Variants in CEP85L observed in about 807,000 individuals in gnomAD.
CEP85L encodes the protein centrosomal protein 85L, also known as centrosomal protein of 85 kDa-like.
A neutral mutation model predicts 100.3 loss-of-function variants in CEP85L; 60 were observed. The observed-to-expected ratio is 0.60, with a 90% CI of 0.49 to 0.74. The LOEUF is 0.74. Ranked by LOEUF, CEP85L falls within the 30% of genes least tolerant of loss-of-function variation. The probability of loss-of-function intolerance (pLI) is 0.00; values close to 1 mark genes in which losing one functional copy is unlikely to be tolerated. For synonymous variants in CEP85L, 319 were observed against 322.7 expected (o/e 0.99, Z 0.12); for missense variants, 973 against 936.2 (o/e 1.04, Z -0.51).
rs137910662 is a variant in CEP85L at position 118,619,897 on chromosome 6, T to A, written c.232+12556A>T. ...ATGGTATCTCAGCCAGGTAAACAGA[T>A]CAAATGGCCCCAGAGGAGAAGGAAA... On this transcript the variant is annotated intron_variant, in intron 2 of 12. Transcript: ENST00000368491. Among the ~76,000 whole-genome samples the A allele has an allele frequency of 1.7e-4, 26 of 152,090 alleles. No individual in the cohort carries two copies. In the East Asian group the frequency reaches 4.7e-3, roughly 27 times the overall value.
rs1305591901 is a variant in CEP85L at position 118,530,741 on chromosome 6, A to G, written c.1021-6821T>C. 3.9e-5 allele frequency among the ~76,000 whole-genome samples: 6 copies of G among 152,056 alleles called. 1 individual carries two copies. Among genetic ancestry groups the G allele is most frequent in the African/African-American group, 1.4e-4 (6 of 41,440 alleles). ...CCAACAACTTCCAATTAAAGAACAC[A>G]GTCCCATTGACAATAGCCACAAAAA... On this transcript the variant is annotated intron_variant, in intron 3 of 12. Transcript: ENST00000368491.
intron 3 of CEP85L, among the ~76,000 whole-genome samples, chr6:118,548,000 C>G (rs1778307105): frequency 6.6e-6 from 1 of 152,086 alleles, no homozygotes; most frequent in Non-Finnish European, 1.5e-5. Flanking sequence ...AACATCTTCA[C>G]CATTAATATT....
upstream of CEP85L, chr6:118,651,740 C>A (rs189939948): frequency 0.022 from 21,862 of 986,756 alleles, 315 homozygotes; most frequent in African/African-American, 0.058. Context: ...ACCCCGACCC[C>A]GCTTCGCCTC....
chr6:118,537,591 C>A, intron 3 of CEP85L: 2 of 985,254 alleles, frequency 2.0e-6, no homozygotes, highest in Non-Finnish European at 2.4e-6. Context: ...ACAACAATCC[C>A]AAACACATGC....
chr6:118,670,304 T>G (rs1230418485), intron 1 of CEP85L, among the ~76,000 whole-genome samples: 1 of 151,858 alleles, frequency 6.6e-6, no homozygotes, highest in East Asian at 1.9e-4. Flanking sequence ...CATGGGGGTT[T>G]GGAGTAAGGA....
At chr6:118,617,582 A>G (rs1195766291) in intron 2 of CEP85L, among the ~76,000 whole-genome samples, 2 of 152,120 alleles carry the variant, frequency 1.3e-5, no homozygotes, top group Admixed American at 1.3e-4. Flanking sequence ...CCCGCCTCAC[A>G]TATCTCCCGC....
chr6:118,502,757 A>C, intron 5 of CEP85L: 1 of 568,108 alleles, frequency 1.8e-6, no homozygotes. Flanking sequence ...ACAGGTGACC[A>C]ATAATCTTAA....
At chr6:118,613,269 T>C (rs1414465077) in intron 2 of CEP85L, among the ~76,000 whole-genome samples, 1 of 152,012 alleles carries the variant, frequency 6.6e-6, no homozygotes, top group Non-Finnish European at 1.5e-5. Context: ...CCACATAGCC[T>C]GCAGACATCT....
chr6:118,611,935 G>C (rs1772655944), intron 2 of CEP85L, among the ~76,000 whole-genome samples: 1 of 152,076 alleles, frequency 6.6e-6, no homozygotes, highest in Non-Finnish European at 1.5e-5. Context: ...ACAACTGATA[G>C]AAAAACTAGA....
upstream of CEP85L, chr6:118,651,698 G>C: frequency 1.5e-6 from 1 of 660,610 alleles, no homozygotes; most frequent in Non-Finnish European, 1.8e-6. Context: ...CGGGGACTGC[G>C]GGGGGCGGGG....
At chr6:118,699,763 C>T (rs1263117075) in intron 1 of CEP85L, among the ~76,000 whole-genome samples, 1 of 152,112 alleles carries the variant, frequency 6.6e-6, no homozygotes, top group Non-Finnish European at 1.5e-5. Context: ...GGCATGATCT[C>T]GGCCCAGTGC....
chr6:118,522,000 G>A lies in CEP85L; in HGVS notation c.1139+1802C>T, dbSNP rs188738375. 6.0e-4 allele frequency among the ~76,000 whole-genome samples: 92 copies of A among 152,130 alleles called. 3 individuals are homozygous for A. The highest frequency in any genetic ancestry group is 5.0e-3 in the Admixed American group (76 of 15,272). On this transcript the variant is annotated intron_variant, in intron 4 of 12. Coordinates refer to ENST00000368491, the MANE Select transcript of CEP85L (RefSeq NM_001042475.3). ...TATTCAAAAAAAAATAACATCAACT[G>A]ATTTCCATTGTTTGAGGGAGGGCAA... is the stretch of plus-strand genomic sequence containing the variant.
chr6:118,651,250 G>T lies in CEP85L; in HGVS notation c.20C>A (p.Ala7Asp), dbSNP rs187158499. ...GCTATCCCGGCCGCTGGCCTCCGGA[G>T]CCAGGAAGCGCCCCCACATCGCGGG... MWGRFL[A>D]PEASGRDSPG... is the part of the protein sequence containing the mutation. The change falls in exon 1 of 13, where the codon GCT (alanine) becomes GAT (aspartate). Residue 7 changes from alanine (A) to aspartate (D), a missense_variant. Ala to Asp is a moderately radical substitution (Grantham distance 126). Transcript: ENST00000368491. 1.3e-6 allele frequency: 2 copies of T among 1,492,186 alleles called. No homozygotes were observed. Among genetic ancestry groups the T allele is most frequent in the East Asian group, 2.9e-5 (1 of 34,970 alleles). The allele number at this position is 1,492,186 out of a possible 1,614,324, so 92.4% of individuals were successfully genotyped here.
At chr6:118,520,733 C>T (rs544756069) in intron 4 of CEP85L, among the ~76,000 whole-genome samples, 1 of 152,334 alleles carries the variant, frequency 6.6e-6, no homozygotes, top group South Asian at 2.1e-4. Flanking sequence ...CCAAACTCCA[C>T]TTTTACGAGC....
intron 10 of CEP85L, among the ~76,000 whole-genome samples, chr6:118,476,497 ACAAT>A (rs1773390027): frequency 6.6e-6 from 1 of 152,242 alleles, no homozygotes; most frequent in Admixed American, 6.5e-5. Context: ...TAAACATCAC[ACAAT>A]AATAATGGGA....
intron 3 of CEP85L, among the ~76,000 whole-genome samples, chr6:118,547,832 TTTTA>T (rs1205988689): frequency 3.3e-5 from 5 of 152,232 alleles, no homozygotes; most frequent in African/African-American, 1.2e-4. Context: ...AGGTATAAAA[TTTTA>T]TTGTGTAAAA....
chr6:118,693,793 A>G (rs1583266524), intron 1 of CEP85L, among the ~76,000 whole-genome samples: 1 of 152,244 alleles, frequency 6.6e-6, no homozygotes, highest in Non-Finnish European at 1.5e-5. Flanking sequence ...GTGGCTGGCC[A>G]TGCTATCTTT....
At chr6:118,536,300 G>C (rs538793721) in intron 3 of CEP85L, among the ~76,000 whole-genome samples, 38 of 152,210 alleles carry the variant, frequency 2.5e-4, no homozygotes, top group African/African-American at 8.9e-4. Context: ...AGGATATAAG[G>C]TGTCACCATA....
chr6:118,605,239 T>C (rs1405300817), intron 2 of CEP85L, among the ~76,000 whole-genome samples: 2 of 152,140 alleles, frequency 1.3e-5, no homozygotes, highest in Non-Finnish European at 2.9e-5. Flanking sequence ...CAGAAGACAG[T>C]ACAGTGCTTC....
Sources: allele counts gnomAD v4.1 joint callset (sites outside exome capture counted in the v4.1 genomes callset), GRCh38; gene constraint gnomAD v4.1.1; transcripts MANE v1.5; gene names NCBI Gene and HGNC (gene_info 2026-07-23, HGNC 2026-07-21).